The following ZC2HC1B variants were observed in gnomAD, a reference collection of about 807,000 sequenced individuals.
The protein encoded by ZC2HC1B is zinc finger C2HC domain-containing protein 1B.
Under a neutral mutation model 31.0 loss-of-function variants are expected in ZC2HC1B, and 36 were observed. That is an observed-to-expected ratio of 1.16 (90% CI 0.89 to 1.54). The LOEUF (loss-of-function observed/expected upper bound fraction) is 1.54. Among genes scored for constraint, ZC2HC1B ranks in the 40% most tolerant of loss-of-function variants. ZC2HC1B has a pLI of 0.00. For synonymous variants in ZC2HC1B, 73 were observed against 88.0 expected (o/e 0.83, Z 0.95); for missense variants, 260 against 268.6 (o/e 0.97, Z 0.22).
At position 143,923,408 on chromosome 6, in the gene ZC2HC1B, TCTCA is replaced by T. The variant is rs982805829; in HGVS notation, c.599-14237_599-14234del. On this transcript the variant is annotated intron_variant, in intron 6 of 7. Coordinates refer to ENST00000237275, the MANE Select transcript of ZC2HC1B (RefSeq NM_001013623.3). The surrounding 1 kb of genome is among the most constrained non-coding windows in gnomAD (Gnocchi z 4.8). The stretch of plus-strand genomic sequence containing the variant: ...TTTCTCCTATTTAGCATGTTGTCCT[TCTCA>T]CTCTGTTGATTGCTTCCTTTGCTGC... Among the ~76,000 whole-genome samples the T allele has an allele frequency of 1.1e-4, 16 of 152,310 alleles. No individual in the cohort carries two copies. The East Asian group carries it at 2.7e-3, about 26-fold the overall frequency.
rs1045846416 is a variant in ZC2HC1B at position 143,870,713 on chromosome 6, T to A, written c.28+6146T>A. 1.3e-5 allele frequency among the ~76,000 whole-genome samples: 2 copies of A among 152,122 alleles called. No individual in the cohort carries two copies. Among genetic ancestry groups the A allele is most frequent in the African/African-American group, 4.8e-5 (2 of 41,422 alleles). ...AGCTGTCTCTCAAAAGAAGAGTAAT[T>A]ATCTGTAGAAGATGGCAGAGCCTTG... On this transcript the variant is annotated intron_variant, in intron 1 of 7. Transcript: ENST00000237275. The surrounding 1 kb of genome is among the most constrained non-coding windows in gnomAD (Gnocchi z 4.7).
rs549164296 is a variant in ZC2HC1B at position 143,870,179 on chromosome 6, T to C, written c.28+5612T>C. 2.0e-5 allele frequency among the ~76,000 whole-genome samples: 3 copies of C among 152,292 alleles called. No individual in the cohort carries two copies. Among genetic ancestry groups the C allele is most frequent in the African/African-American group, 7.2e-5 (3 of 41,566 alleles). ...ATTGCACATCTGACCATTTCTCCTT[T>C]CATGCAAAGTGCACAAGCAAGTGCA... is the stretch of plus-strand genomic sequence containing the variant. On this transcript the variant is annotated intron_variant, in intron 1 of 7. Coordinates refer to ENST00000237275, the MANE Select transcript of ZC2HC1B (RefSeq NM_001013623.3). This position sits in a 1 kb window ranked among gnomAD's most constrained non-coding sequence, Gnocchi z 4.7.
At chr6:143,926,741 C>T (rs1222513265) in intron 6 of ZC2HC1B, among the ~76,000 whole-genome samples, 1 of 149,044 alleles carries the variant, frequency 6.7e-6, no homozygotes, top group African/African-American at 2.5e-5. Context: ...GTATTGGAGT[C>T]TATCTCTCCC....
In ZC2HC1B at chr6:143,899,150, T is replaced by C. The variant is rs1390436523; in HGVS notation, c.489+459T>C. Among the ~76,000 whole-genome samples, 8 of 152,140 alleles carry C rather than the reference T, an allele frequency of 5.3e-5. No individual in the cohort carries two copies. The highest frequency in any genetic ancestry group is 5.2e-4 in the Admixed American group (8 of 15,278). On this transcript the variant is annotated intron_variant, in intron 5 of 7. Coordinates refer to ENST00000237275, the MANE Select transcript of ZC2HC1B (RefSeq NM_001013623.3). This position sits in a 1 kb window ranked among gnomAD's most constrained non-coding sequence, Gnocchi z 5.0. ...TCACAGAATCAGCAAGTTAAAGGGA[T>C]ATGTGGATGAATGGAAGCAGCTGTT...
chr6:143,876,203 T>C (rs1562337186), intron 1 of ZC2HC1B, among the ~76,000 whole-genome samples: 2 of 150,622 alleles, frequency 1.3e-5, no homozygotes, highest in African/African-American at 4.9e-5. Flanking sequence ...TAGTATCTGC[T>C]TCTGAAGCTG....
Position 143,921,050 on chromosome 6 carries a change from G to A in ZC2HC1B, c.599-16599G>A, listed in dbSNP as rs1239855619. On this transcript the variant is annotated intron_variant, in intron 6 of 7. Transcript: ENST00000237275. This position sits in a 1 kb window ranked among gnomAD's most constrained non-coding sequence, Gnocchi z 6.1. Reference sequence around the variant, plus strand: ...CTTAATCCTGCTCCAGCTACAAGTGGCCCCAGGTTGTTCCTTGACCATAGC... The same window carrying A: ...CTTAATCCTGCTCCAGCTACAAGTGACCCCAGGTTGTTCCTTGACCATAGC... Among the ~76,000 whole-genome samples, 1 of 151,878 alleles carries A rather than the reference G, an allele frequency of 6.6e-6. No individual in the cohort carries two copies. The highest frequency in any genetic ancestry group is 1.5e-5 in the Non-Finnish European group (1 of 67,994).
Position 143,871,649 on chromosome 6 carries a change from C to T in ZC2HC1B, c.28+7082C>T, listed in dbSNP as rs1777338191. ...AACAGGGATGTGGTAGGAATCACCA[C>T]CCTGAGTCTTTCAAGTCCTTGATGG... On this transcript the variant is annotated intron_variant, in intron 1 of 7. Transcript: ENST00000237275. The surrounding 1 kb of genome is among the most constrained non-coding windows in gnomAD (Gnocchi z 4.1). Among the ~76,000 whole-genome samples, 1 of 152,220 alleles carries T rather than the reference C, an allele frequency of 6.6e-6. No homozygotes were observed. Among genetic ancestry groups the T allele is most frequent in the African/African-American group, 2.4e-5 (1 of 41,454 alleles).
At position 143,870,580 on chromosome 6, in the gene ZC2HC1B, G is replaced by C. The variant is rs1311412638; in HGVS notation, c.28+6013G>C. On this transcript the variant is annotated intron_variant, in intron 1 of 7. Transcript: ENST00000237275. This position sits in a 1 kb window ranked among gnomAD's most constrained non-coding sequence, Gnocchi z 4.7. ...CTGTGCATGACCCACTTTATGGCTAGATGGGTCAGAAAGCACTCAGTTCAT... is the reference window on the plus strand; with the variant it reads ...CTGTGCATGACCCACTTTATGGCTACATGGGTCAGAAAGCACTCAGTTCAT... Among the ~76,000 whole-genome samples the C allele has an allele frequency of 6.6e-6, 1 of 152,156 alleles. No homozygotes were observed. The highest frequency in any genetic ancestry group is 2.4e-5 in the African/African-American group (1 of 41,430).
intron 6 of ZC2HC1B, among the ~76,000 whole-genome samples, chr6:143,935,674 T>TTTTTTTTTTTG (rs869162265): frequency 1.7e-5 from 2 of 120,676 alleles, no homozygotes; most frequent in African/African-American, 3.1e-5. Flanking sequence ...TTTTTTTTTT[T>TTTTTTTTTTTG]GAGACAGGAT....
rs1777701942 is a variant in ZC2HC1B, at chr6:143,898,749, G to A, written c.489+58G>A. On this transcript the variant is annotated intron_variant, in intron 5 of 7. Transcript: ENST00000237275. ...GCCCTTGAATGCCTAGGGGTGAGCC[G>A]GTAGAACTCCCTAGAGAACCTCAGT... 17 of 1,540,660 alleles carry A rather than the reference G, an allele frequency of 1.1e-5. 1 individual carries two copies. In the Middle Eastern group the frequency reaches 6.7e-4, roughly 61 times the overall value.
intron 6 of ZC2HC1B, among the ~76,000 whole-genome samples, chr6:143,914,925 A>G (rs549717236): frequency 6.6e-6 from 1 of 152,286 alleles, no homozygotes; most frequent in Admixed American, 6.5e-5. Context: ...TATAGGCAGC[A>G]TGTAGTTTTA....
rs1364867559 is a variant in ZC2HC1B, at chr6:143,921,888, G to T, written c.599-15761G>T. ...AGTGTTCAAGGCTGCAATGAGCTATGATCGTGCCACTGCACACCAGTCTGG... is the reference window on the plus strand; with the variant it reads ...AGTGTTCAAGGCTGCAATGAGCTATTATCGTGCCACTGCACACCAGTCTGG... On this transcript the variant is annotated intron_variant, in intron 6 of 7. Coordinates refer to ENST00000237275, the MANE Select transcript of ZC2HC1B (RefSeq NM_001013623.3). The surrounding 1 kb of genome is among the most constrained non-coding windows in gnomAD (Gnocchi z 6.1). Among the ~76,000 whole-genome samples the T allele has an allele frequency of 6.6e-6, 1 of 152,196 alleles. No homozygotes were observed. Among genetic ancestry groups the T allele is most frequent in the Non-Finnish European group, 1.5e-5 (1 of 68,034 alleles).
intron 6 of ZC2HC1B, among the ~76,000 whole-genome samples, chr6:143,916,904 G>T (rs1352263475): frequency 6.6e-6 from 1 of 152,190 alleles, no homozygotes; most frequent in Non-Finnish European, 1.5e-5. Flanking sequence ...GTGGACTTTT[G>T]CGTTAATGCT....
intron 4 of ZC2HC1B, among the ~76,000 whole-genome samples, chr6:143,893,788 G>A (rs1236695097): frequency 1.3e-5 from 2 of 151,908 alleles, no homozygotes; most frequent in Non-Finnish European, 2.9e-5. Context: ...CCAGGTTCAC[G>A]CCATTCTCCT....
At chr6:143,925,261 C>T (rs559033094) in intron 6 of ZC2HC1B, among the ~76,000 whole-genome samples, 18 of 149,314 alleles carry the variant, frequency 1.2e-4, no homozygotes, top group Admixed American at 3.3e-4. Context: ...CTGCAAGCTC[C>T]GCCTCCCGGG....
intron 6 of ZC2HC1B, among the ~76,000 whole-genome samples, chr6:143,928,084 TTGTC>T (rs530456715): frequency 6.6e-4 from 101 of 152,294 alleles, no homozygotes; most frequent in East Asian, 3.9e-3. Context: ...TTGTCTGTTC[TTGTC>T]TGTCTATTTC....
rs1050573575 is a variant in ZC2HC1B at position 143,869,996 on chromosome 6, A to G, written c.28+5429A>G. On this transcript the variant is annotated intron_variant, in intron 1 of 7. Coordinates refer to ENST00000237275, the MANE Select transcript of ZC2HC1B (RefSeq NM_001013623.3). The surrounding 1 kb of genome is among the most constrained non-coding windows in gnomAD (Gnocchi z 5.2). ...AGGTCACCAGTTGGTGAGCATTCAC[A>G]TGGGATACAAATATCTTTCCAGTTT... Among the ~76,000 whole-genome samples, 20 of 152,298 alleles carry G rather than the reference A, an allele frequency of 1.3e-4. No homozygotes were observed. Among genetic ancestry groups the G allele is most frequent in the African/African-American group, 4.6e-4 (19 of 41,570 alleles).
chr6:143,882,332 TTTTA>T lies in ZC2HC1B; in HGVS notation c.29-1970_29-1967del, dbSNP rs1179964472. ...AAAATATGTATACATATTTTATATT[TTTTA>T]TATATATATATATATATATATATAT... On this transcript the variant is annotated intron_variant, in intron 1 of 7. Coordinates refer to ENST00000237275, the MANE Select transcript of ZC2HC1B (RefSeq NM_001013623.3). Among the ~76,000 whole-genome samples, 107 of 67,380 alleles carry T rather than the reference TTTTA, an allele frequency of 1.6e-3. 3 individuals carry two copies. The highest frequency in any genetic ancestry group is 7.2e-3 in the Middle Eastern group (1 of 138). The allele number at this position is 67,380 out of a possible 152,430, so 44.2% of individuals were successfully genotyped here. A position where few individuals can be genotyped will look rare whatever the true frequency, so the allele number is the denominator to read the frequency against.
At chr6:143,930,708 T>G (rs2128497783) in intron 6 of ZC2HC1B, among the ~76,000 whole-genome samples, 1 of 152,342 alleles carries the variant, frequency 6.6e-6, no homozygotes, top group East Asian at 1.9e-4. Flanking sequence ...AATCACTTTA[T>G]AGTTTTATTC....
Sources: gnomAD v4.1 joint callset for allele counts (sites outside exome capture counted in the v4.1 genomes callset) on GRCh38, gnomAD v4.1.1 for gene constraint, Gnocchi (gnomAD v3.1) non-coding constraint, MANE v1.5 for transcripts, NCBI Gene and HGNC (gene_info 2026-07-23, HGNC 2026-07-21) for gene names.